RCBTB2: variants seen among roughly 807,000 people sequenced by gnomAD.
RCBTB2 encodes RCC1 and BTB domain containing protein 2.
Under a neutral mutation model 65.4 loss-of-function variants are expected in RCBTB2, and 55 were observed. That is an observed-to-expected ratio of 0.84 (90% CI 0.68 to 1.05). The LOEUF (loss-of-function observed/expected upper bound fraction) is 1.05, where lower values mean the gene tolerates loss of function less well. Among genes scored for constraint, RCBTB2 ranks in the 50% least tolerant of loss-of-function variants. The pLI is 0.00. For synonymous variants in RCBTB2, 220 were observed against 255.2 expected, an observed-to-expected ratio of 0.86 and a Z score of 1.31; for missense variants, 599 against 680.1, an observed-to-expected ratio of 0.88 and a Z score of 1.33.
intron 10 of RCBTB2, chr13:48,504,416 T>C (rs1950388896): frequency 2.6e-6 from 2 of 769,192 alleles, no homozygotes; most frequent in Non-Finnish European, 3.2e-6. Context: ...GGCTTTCTCA[T>C]TGACCTTCAA....
chr13:48,509,456 T>A (rs9332010), intron 10 of RCBTB2, among the ~76,000 whole-genome samples: 1,695 of 152,274 alleles, frequency 0.011, 25 homozygotes, highest in African/African-American at 0.039. Context: ...GGCACTTTTG[T>A]GGTTATTCAA....
At chr13:48,515,769 T>C (rs762001623) in intron 4 of RCBTB2, 28 bp from the exon 5 acceptor site, 2 of 1,581,942 alleles carry the variant, frequency 1.3e-6, no homozygotes, top group Admixed American at 1.9e-5. Flanking sequence ...TATGTTGAAA[T>C]GACAAATTAA....
intron 1 of RCBTB2, among the ~76,000 whole-genome samples, chr13:48,531,220 T>C (rs75015682): frequency 2.0e-5 from 3 of 152,382 alleles, no homozygotes; most frequent in East Asian, 3.9e-4. Flanking sequence ...CAGGACGTGA[T>C]AGAAAATCAA....
At chr13:48,505,313 C>G (rs896565346) in intron 10 of RCBTB2, among the ~76,000 whole-genome samples, 3 of 152,200 alleles carry the variant, frequency 2.0e-5, no homozygotes, top group Non-Finnish European at 4.4e-5. Flanking sequence ...GATGACTACT[C>G]AGCCTTTTAA....
chr13:48,523,989 CA>C (rs551735695), intron 2 of RCBTB2, among the ~76,000 whole-genome samples: 9 of 152,140 alleles, frequency 5.9e-5, no homozygotes, highest in African/African-American at 1.9e-4. Context: ...GTAAGATTAA[CA>C]TAATTTCATA....
chr13:48,530,757 G>C (rs562567297), intron 1 of RCBTB2, among the ~76,000 whole-genome samples: 2 of 152,328 alleles, frequency 1.3e-5, no homozygotes, highest in African/African-American at 4.8e-5. Context: ...TAAAAGTCCA[G>C]TGTCTTCATT....
chr13:48,524,155 G>A (rs1439631930), intron 2 of RCBTB2, among the ~76,000 whole-genome samples: 1 of 151,764 alleles, frequency 6.6e-6, no homozygotes, highest in East Asian at 1.9e-4. Flanking sequence ...ACATAATAAA[G>A]AAAACTATCA....
intron 2 of RCBTB2, among the ~76,000 whole-genome samples, chr13:48,522,833 A>C (rs1951503295): frequency 6.6e-6 from 1 of 152,186 alleles, no homozygotes; most frequent in Non-Finnish European, 1.5e-5. Flanking sequence ...TATTTTCTAC[A>C]GTAGAGTGAG....
chr13:48,529,116 T>G (rs922878234), intron 1 of RCBTB2, among the ~76,000 whole-genome samples: 57 of 152,348 alleles, frequency 3.7e-4, no homozygotes, highest in African/African-American at 1.3e-3. Context: ...AGTGTCATTT[T>G]CAAATATGAA....
intron 14 of RCBTB2, among the ~76,000 whole-genome samples, chr13:48,494,596 CCAGA>C (rs1033148284): frequency 6.6e-6 from 1 of 152,072 alleles, no homozygotes; most frequent in Non-Finnish European, 1.5e-5. Context: ...TGGAAGGTAG[CCAGA>C]CAAATAATTC....
intron 14 of RCBTB2, among the ~76,000 whole-genome samples, chr13:48,494,848 T>C (rs1949900351): frequency 6.6e-6 from 1 of 152,158 alleles, no homozygotes; most frequent in African/African-American, 2.4e-5. Flanking sequence ...TTAAATGTCA[T>C]TGTTTTGAGG....
intron 13 of RCBTB2, among the ~76,000 whole-genome samples, chr13:48,498,681 G>C (rs1179321374): frequency 6.6e-6 from 1 of 151,966 alleles, no homozygotes; most frequent in East Asian, 1.9e-4. Flanking sequence ...GGTGAGCGGA[G>C]ATCGTGCCAT....
In RCBTB2 at chr13:48,501,763, T is replaced by C. The variant is rs1950245660; in HGVS notation, c.1223A>G (p.His408Arg). The C allele has an allele frequency of 6.2e-7, 1 of 1,612,486 alleles. No homozygotes were observed. The change falls in exon 12 of 15, where the codon CAT becomes CGT. Residue 408 changes from histidine to arginine, a missense_variant. Coordinates refer to ENST00000344532, the MANE Select transcript of RCBTB2 (RefSeq NM_001268.4). ...TTACCGAATCTTGAGAAGGACTTTA[T>C]GTGCATAAATGTACTTTCCATCAAC... ...FLVDGKYIYA[H>R]KVLLKIRCEH... is the part of the protein sequence containing the mutation.
upstream of RCBTB2, among the ~76,000 whole-genome samples, chr13:48,534,694 A>G (rs895657910): frequency 3.9e-5 from 6 of 152,260 alleles, no homozygotes; most frequent in African/African-American, 1.4e-4. Context: ...TATGGGTCCA[A>G]CAGTTTTTCC....
chr13:48,529,889 ATATT>A (rs1201923008), intron 1 of RCBTB2, among the ~76,000 whole-genome samples: 1 of 151,960 alleles, frequency 6.6e-6, no homozygotes, highest in African/African-American at 2.4e-5. Context: ...ATCTGTAGCA[ATATT>A]TATTTATTTA....
chr13:48,525,843 T>G (rs1032791594), intron 1 of RCBTB2, among the ~76,000 whole-genome samples: 1 of 152,176 alleles, frequency 6.6e-6, no homozygotes, highest in Non-Finnish European at 1.5e-5. Flanking sequence ...TGGTATCATT[T>G]GATAACATTT....
intron 1 of RCBTB2, among the ~76,000 whole-genome samples, chr13:48,525,256 T>C (rs1399998964): frequency 1.3e-5 from 2 of 150,904 alleles, no homozygotes; most frequent in African/African-American, 4.9e-5. Context: ...GGAAGATATT[T>C]GTAACATGCA....
At chr13:48,504,421 C>T (rs551444788) in intron 10 of RCBTB2, 100 of 625,678 alleles carry the variant, frequency 1.6e-4, no homozygotes, top group Middle Eastern at 1.6e-3. Flanking sequence ...TCTCATTGAC[C>T]TTCAATGACT....
chr13:48,517,434 A>G (rs1951154225), intron 4 of RCBTB2, among the ~76,000 whole-genome samples: 1 of 152,174 alleles, frequency 6.6e-6, no homozygotes, highest in African/African-American at 2.4e-5. Context: ...CTCGGCTCCA[A>G]GCTCTCCATT....
Sources: allele counts gnomAD v4.1 joint callset (sites outside exome capture counted in the v4.1 genomes callset), GRCh38; gene constraint gnomAD v4.1.1; transcripts MANE v1.5; gene names NCBI Gene and HGNC (gene_info 2026-07-23, HGNC 2026-07-21).